Variants in CD99L2 observed in about 807,000 individuals in gnomAD.
CD99L2 encodes the protein CD99 molecule like 2.
A neutral mutation model predicts 27.3 loss-of-function variants in CD99L2; 24 were observed. The ratio of observed to expected loss-of-function variants is 0.88; its 90% CI spans 0.64 to 1.24. CD99L2 has a LOEUF of 1.24. Ranked by LOEUF, CD99L2 falls within the 50% of genes most tolerant of loss-of-function variation. CD99L2 has a pLI of 0.00. For missense variants in CD99L2, 255 were observed against 221.6 expected (o/e 1.15, Z -0.96); for synonymous variants, 97 against 87.9 (o/e 1.10, Z -0.58).
intron 1 of CD99L2, among the ~76,000 whole-genome samples, chrX:150,865,473 T>C (rs144363188): frequency 4.1e-4 from 46 of 111,661 alleles, no homozygotes; most frequent in African/African-American, 1.4e-3. Context: ...ACTGACAAAT[T>C]AGATAGACTA....
chrX:150,839,152 G>A (rs2046584387), intron 1 of CD99L2, among the ~76,000 whole-genome samples: 1 of 111,440 alleles, frequency 9.0e-6, no homozygotes, highest in South Asian at 3.7e-4. Context: ...ATATTTTATG[G>A]AAATAAAGCA....
At chrX:150,865,327 A>G (rs879995731) in intron 1 of CD99L2, among the ~76,000 whole-genome samples, 2 of 110,071 alleles carry the variant, frequency 1.8e-5, no homozygotes, top group Non-Finnish European at 3.8e-5. Flanking sequence ...GTGAGATTCC[A>G]TCTCTATAAA....
In CD99L2 at chrX:150,777,184, G is replaced by A. The variant is rs1480544598; in HGVS notation, c.535+260C>T. The A allele has an allele frequency of 1.2e-5, 5 of 408,793 alleles. No individual in the cohort carries two copies. The Admixed American group carries it at 1.8e-4, about 15-fold the overall frequency. 33.7% of individuals were successfully genotyped at this position (408,793 alleles called of 1,213,427 possible). On this transcript the variant is annotated intron_variant, in intron 8 of 10. Transcript: ENST00000370377. ...CTCTGTAAAGATCAGCTATCAGTTTGTATTGCCAGGGTGAAATTCACAGAA... is the reference window on the plus strand; with the variant it reads ...CTCTGTAAAGATCAGCTATCAGTTTATATTGCCAGGGTGAAATTCACAGAA...
Position 150,768,824 on chromosome X carries a change from C to A in CD99L2, c.*210G>T. ...GGTGCTGGCTTTCTATCAGAGCTGG[C>A]TCTTGAATTTCGGCACCAAGTCTCA... On this transcript the variant is annotated 3_prime_UTR_variant, in exon 11 of 11. Coordinates refer to ENST00000370377, the MANE Select transcript of CD99L2 (RefSeq NM_031462.4). The A allele has an allele frequency of 1.1e-6, 1 of 892,434 alleles. No homozygotes were observed. The allele number at this position is 892,434 out of a possible 1,213,427, so 73.5% of individuals were successfully genotyped here.
chrX:150,881,815 ATTTT>A (rs59133869), intron 1 of CD99L2, among the ~76,000 whole-genome samples: 1 of 89,396 alleles, frequency 1.1e-5, no homozygotes, highest in Non-Finnish European at 2.2e-5. Context: ...ACTCTTTCCA[ATTTT>A]TTTTTTTTTT....
chrX:150,860,684 A>G (rs1005099272), intron 1 of CD99L2, among the ~76,000 whole-genome samples: 5 of 112,199 alleles, frequency 4.5e-5, no homozygotes, highest in Non-Finnish European at 9.4e-5. Flanking sequence ...GAAACAACCA[A>G]AAAAGAAATC....
chrX:150,801,056 A>G (rs1569565943), intron 4 of CD99L2, among the ~76,000 whole-genome samples: 1 of 110,516 alleles, frequency 9.0e-6, no homozygotes, highest in Non-Finnish European at 1.9e-5. Flanking sequence ...AAAAACCCCA[A>G]AAAAACAAAA....
intron 1 of CD99L2, among the ~76,000 whole-genome samples, chrX:150,860,876 G>A (rs1380700088): frequency 5.4e-5 from 6 of 110,493 alleles, no homozygotes; most frequent in Non-Finnish European, 7.6e-5. Flanking sequence ...GGCCAGGCGC[G>A]GTGGCTCATG....
intron 10 of CD99L2, 126 bp from the exon 11 acceptor site, chrX:150,769,227 G>C (rs1269791507): frequency 6.4e-6 from 5 of 782,337 alleles, no homozygotes; most frequent in Non-Finnish European, 8.8e-6. Flanking sequence ...GGGCCGCTTA[G>C]CAACCTTCCC....
chrX:150,783,764 A>T (rs150852272), intron 7 of CD99L2, among the ~76,000 whole-genome samples: 2,076 of 112,257 alleles, frequency 0.018, 19 homozygotes, highest in Non-Finnish European at 0.027. Context: ...ATCCAAAAAA[A>T]GGAATCAGTA....
At chrX:150,771,940 C>G in intron 9 of CD99L2, 1 of 818,675 alleles carries the variant, frequency 1.2e-6, no homozygotes, top group Non-Finnish European at 1.7e-6. Context: ...CAGCATGGGC[C>G]TTTTGGCAGC....
At chrX:150,803,591 T>TCAAA in intron 4 of CD99L2, among the ~76,000 whole-genome samples, 2 of 111,902 alleles carry the variant, frequency 1.8e-5, no homozygotes, top group Middle Eastern at 9.2e-3. Context: ...GACAGATCAA[T>TCAAA]CAAACAGAAT....
At chrX:150,871,630 C>G (rs2047158581) in intron 1 of CD99L2, among the ~76,000 whole-genome samples, 1 of 112,058 alleles carries the variant, frequency 8.9e-6, no homozygotes, top group African/African-American at 3.2e-5. Flanking sequence ...CAATCTCACT[C>G]CTAGGTTCCA....
intron 4 of CD99L2, among the ~76,000 whole-genome samples, chrX:150,806,022 AACACAC>A (rs782040383): frequency 6.3e-5 from 7 of 111,412 alleles, no homozygotes; most frequent in African/African-American, 2.3e-4. Context: ...CATAGAAGTA[AACACAC>A]ACACACACTC....
intron 2 of CD99L2, among the ~76,000 whole-genome samples, chrX:150,824,546 AG>A (rs2046328330): frequency 1.1e-5 from 1 of 92,421 alleles, no homozygotes; most frequent in Non-Finnish European, 2.2e-5. Context: ...AGAAGGAAGA[AG>A]GAAGAAGAAG....
At chrX:150,868,464 T>C (rs2047105819) in intron 1 of CD99L2, among the ~76,000 whole-genome samples, 1 of 111,916 alleles carries the variant, frequency 8.9e-6, no homozygotes, top group Non-Finnish European at 1.9e-5. Flanking sequence ...GAGGCAGAGG[T>C]TGCAGTGAGC....
chrX:150,773,345 A>G (rs1437796572), intron 9 of CD99L2, among the ~76,000 whole-genome samples: 5 of 113,075 alleles, frequency 4.4e-5, no homozygotes, highest in Non-Finnish European at 9.4e-5. Context: ...CCCGGAAGAG[A>G]GGCAATGGCA....
intron 1 of CD99L2, among the ~76,000 whole-genome samples, chrX:150,881,264 C>T (rs2047320469): frequency 1.8e-5 from 2 of 111,471 alleles, no homozygotes; most frequent in Non-Finnish European, 3.8e-5. Context: ...TCTTCCCACT[C>T]GTGGCCCAAC....
At chrX:150,795,082 G>T in intron 6 of CD99L2, 124 bp downstream of exon 6, 1 of 758,849 alleles carries the variant, frequency 1.3e-6, no homozygotes, top group South Asian at 2.5e-5. Flanking sequence ...AAAAAAGTTT[G>T]AGTACCACCA....
Sources: gnomAD v4.1 joint callset for allele counts (sites outside exome capture counted in the v4.1 genomes callset) on GRCh38, gnomAD v4.1.1 for gene constraint, MANE v1.5 for transcripts, NCBI Gene and HGNC (gene_info 2026-07-23, HGNC 2026-07-21) for gene names.